Variants in ZER1 observed in about 807,000 individuals in gnomAD.
The protein encoded by ZER1 is zyg-11 related cell cycle regulator.
In ZER1, 11 loss-of-function variants were observed where a neutral mutation model predicts 78.8. The ratio of observed to expected loss-of-function variants is 0.14; its 90% CI spans 0.09 to 0.23. ZER1 has a LOEUF of 0.23. Among genes scored for constraint, ZER1 ranks in the 10% least tolerant of loss-of-function variants. The probability of loss-of-function intolerance (pLI) is 1.00; values close to 1 mark genes in which losing one functional copy is unlikely to be tolerated. For missense variants in ZER1, 588 were observed against 996.9 expected, an observed-to-expected ratio of 0.59 and a Z score of 5.52; for synonymous variants, 400 against 407.0, an observed-to-expected ratio of 0.98 and a Z score of 0.21.
Position 128,753,184 on chromosome 9 carries a change from G to T in ZER1, c.726C>A (p.Ile242=), listed in dbSNP as rs1243715371. 3 of 1,553,010 alleles carry T rather than the reference G, an allele frequency of 1.9e-6. No homozygotes were observed. Among genetic ancestry groups the T allele is most frequent in the Admixed American group, 1.9e-5 (1 of 51,876 alleles). ...MDLSDDHIRV[I]VQLHKLRHLD... ...CTCACCGCAGCTTGTGCAGCTGCACGATGACCCGGATGTGGTCGTCGGACA... is the reference window on the plus strand; with the variant it reads ...CTCACCGCAGCTTGTGCAGCTGCACTATGACCCGGATGTGGTCGTCGGACA... The change falls in exon 4 of 16, where the codon ATC becomes ATA. Residue 242 remains isoleucine (I), a synonymous_variant. Coordinates refer to ENST00000291900, the MANE Select transcript of ZER1 (RefSeq NM_006336.4). This position sits in a 1 kb window ranked among gnomAD's most constrained non-coding sequence, Gnocchi z 7.5.
rs1863735778 is a variant in ZER1, at chr9:128,753,121, C to T, written c.746+43G>A. ...ACCCACCTCTACTCCTCCCCACCTG[C>T]CCCCCAAACCCCACCCTGGTGAGCT... On this transcript the variant is annotated intron_variant, in intron 4 of 15. Coordinates refer to ENST00000291900, the MANE Select transcript of ZER1 (RefSeq NM_006336.4). The surrounding 1 kb of genome is among the most constrained non-coding windows in gnomAD (Gnocchi z 7.5). 9 of 1,481,938 alleles carry T rather than the reference C, an allele frequency of 6.1e-6. No individual in the cohort carries two copies. The highest frequency in any genetic ancestry group is 1.4e-5 in the African/African-American group (1 of 71,592). 91.8% of individuals were successfully genotyped at this position (1,481,938 alleles called of 1,614,324 possible).
In ZER1 at chr9:128,752,682, C is replaced by T. The variant is rs1440434438; in HGVS notation, c.914G>A (p.Gly305Glu). 7 of 1,612,354 alleles carry T rather than the reference C, an allele frequency of 4.3e-6. No homozygotes were observed. In the East Asian group the frequency reaches 8.9e-5, roughly 21 times the overall value. The change falls in exon 5 of 16, where the codon GGG becomes GAG. Residue 305 changes from glycine to glutamate, a missense_variant. Gly to Glu is a moderately conservative substitution (Grantham distance 98, BLOSUM62 -2). Transcript: ENST00000291900. ...CSISKMEEEA[G>E]QTSIEPSKSS... Reference sequence around the variant, plus strand: ...GAGGCTGGGGCCCCACCTGGTCTGCCCCGCTTCCTCTTCCATCTTGGAGAT... The same window carrying T: ...GAGGCTGGGGCCCCACCTGGTCTGCTCCGCTTCCTCTTCCATCTTGGAGAT...
Position 128,755,720 on chromosome 9 carries a change from C to CA in ZER1, c.-94-62dup. On this transcript the variant is annotated intron_variant, in intron 1 of 15. Transcript: ENST00000291900. The surrounding 1 kb of genome is among the most constrained non-coding windows in gnomAD (Gnocchi z 5.6). ...CAAGGGCTAGAACTATCAGTGGTCC[C>CA]ATGTCCACGCTCTGAGTAGGGAAAC... The CA allele has an allele frequency of 1.0e-6, 1 of 953,192 alleles. No individual in the cohort carries two copies. The highest frequency in any genetic ancestry group is 1.5e-6 in the Non-Finnish European group (1 of 655,540). 59.0% of individuals were successfully genotyped at this position (953,192 alleles called of 1,614,324 possible).
At position 128,731,414 on chromosome 9, in the gene ZER1, C is replaced by T. The variant is rs1171938671; in HGVS notation, c.2244-20G>A. On this transcript the variant is annotated intron_variant, in intron 15 of 15. Coordinates refer to ENST00000291900, the MANE Select transcript of ZER1 (RefSeq NM_006336.4). ...ACCTTGCTGGAGACAATGGGGGAGA[C>T]AGGATTGGAGGGTGGGCTTGGGTGG... is the stretch of plus-strand genomic sequence containing the variant. The T allele has an allele frequency of 7.1e-6, 8 of 1,121,218 alleles. No homozygotes were observed. Among genetic ancestry groups the T allele is most frequent in the South Asian group, 2.5e-5 (2 of 81,086 alleles). The allele number at this position is 1,121,218 out of a possible 1,614,324, so 69.5% of individuals were successfully genotyped here.
chr9:128,750,794 A>G lies in ZER1; in HGVS notation c.1186-5T>C. On this transcript the variant is annotated splice_region_variant and splice_polypyrimidine_tract_variant and intron_variant, in intron 7 of 15. Coordinates refer to ENST00000291900, the MANE Select transcript of ZER1 (RefSeq NM_006336.4). Reference sequence around the variant, plus strand: ...CTTGAGGGCCGTGATGACCAGCTGTATGAAGACAAGGGGGACCTGGGCTGG... The same window carrying G: ...CTTGAGGGCCGTGATGACCAGCTGTGTGAAGACAAGGGGGACCTGGGCTGG... 2 of 1,614,170 alleles carry G rather than the reference A, an allele frequency of 1.2e-6. No individual in the cohort carries two copies. Among genetic ancestry groups the G allele is most frequent in the South Asian group, 1.1e-5 (1 of 91,068 alleles).
chr9:128,756,857 A>G (rs1265048253), intron 1 of ZER1, among the ~76,000 whole-genome samples: 3 of 152,210 alleles, frequency 2.0e-5, no homozygotes, highest in South Asian at 4.1e-4. Flanking sequence ...TATACTTTAT[A>G]TGGATGAATT....
At position 128,741,500 on chromosome 9, in the gene ZER1, C is replaced by T. The variant is rs377651803; in HGVS notation, c.1737+35G>A. The T allele has an allele frequency of 5.6e-6, 9 of 1,613,710 alleles. No homozygotes were observed. In the African/African-American group the frequency reaches 1.1e-4, roughly 19 times the overall value. ...GACAGAAGAGGGGCCATGTGGGCAG[C>T]TGAGGCAGCTGCTGCTGCAGGAGGT... On this transcript the variant is annotated intron_variant, in intron 11 of 15. Coordinates refer to ENST00000291900, the MANE Select transcript of ZER1 (RefSeq NM_006336.4).
Position 128,755,480 on chromosome 9 carries a change from A to T in ZER1, c.86T>A (p.Leu29Gln). The T allele has an allele frequency of 6.2e-7, 1 of 1,614,022 alleles. No homozygotes were observed. The highest frequency in any genetic ancestry group is 1.1e-5 in the South Asian group (1 of 91,076). The change falls in exon 2 of 16, where the codon CTG becomes CAG. Residue 29 changes from leucine (L) to glutamine (Q), a missense_variant. Leu to Gln is a moderately radical substitution (Grantham distance 113). Around this residue, in one of 3 missense-constraint regions of ZER1, gnomAD observed 406 missense variants for 660.1 expected, o/e 0.62. Coordinates refer to ENST00000291900, the MANE Select transcript of ZER1 (RefSeq NM_006336.4). The surrounding 1 kb of genome is among the most constrained non-coding windows in gnomAD (Gnocchi z 5.6). ...ATGTAGCCGCAGGGTCTCCTTGTCC[A>T]GCAGGTAGCCCAGGGTGCCATCCAG... is the stretch of plus-strand genomic sequence containing the variant. ...RNLDGTLGYL[L>Q]DKETLRLHPD...
chr9:128,741,436 G>C, intron 11 of ZER1, 99 bp downstream of exon 11: 1 of 1,554,090 alleles, frequency 6.4e-7, no homozygotes, highest in Non-Finnish European at 8.8e-7. Flanking sequence ...GGAAGCATGG[G>C]TGAGGGGTGC....
intron 15 of ZER1, chr9:128,733,031 A>G (rs1862890900): frequency 5.9e-6 from 1 of 169,260 alleles, no homozygotes; most frequent in Non-Finnish European, 1.3e-5. Context: ...ACTCACTCGC[A>G]CTCTGCCTCA....
intron 13 of ZER1, among the ~76,000 whole-genome samples, chr9:128,737,306 G>A (rs1863119501): frequency 6.6e-6 from 1 of 151,968 alleles, no homozygotes. Context: ...TTCTGACGAG[G>A]GCCTTCTGTG....
chr9:128,755,380 G>A lies in ZER1; in HGVS notation c.158+28C>T, dbSNP rs780083712. ...TATACACATTCATGGTAAGACCCCT[G>A]CCCCTCCTCAGCCCTGGGTCTGCTC... On this transcript the variant is annotated intron_variant, in intron 2 of 15. Coordinates refer to ENST00000291900, the MANE Select transcript of ZER1 (RefSeq NM_006336.4). The surrounding 1 kb of genome is among the most constrained non-coding windows in gnomAD (Gnocchi z 5.6). The A allele has an allele frequency of 6.2e-7, 1 of 1,612,458 alleles. No homozygotes were observed. Among genetic ancestry groups the A allele is most frequent in the African/African-American group, 1.3e-5 (1 of 74,832 alleles).
chr9:128,763,006 TCCAG>T (rs1212007435), intron 1 of ZER1, among the ~76,000 whole-genome samples: 1 of 152,096 alleles, frequency 6.6e-6, no homozygotes, highest in Non-Finnish European at 1.5e-5. Flanking sequence ...GCCCCCCTAC[TCCAG>T]CCAGCCTGGC....
chr9:128,753,273 C>T lies in ZER1; in HGVS notation c.637G>A (p.Asp213Asn), dbSNP rs762438653. The T allele has an allele frequency of 1.1e-5, 17 of 1,605,562 alleles. No individual in the cohort carries two copies. The African/African-American group carries it at 1.7e-4, about 16-fold the overall frequency. Residue 213 changes from aspartate to asparagine, a missense_variant, in exon 4 of 16, where the codon GAC becomes AAC. Physicochemically the swap from Asp to Asn is conservative, Grantham distance 23 (BLOSUM62 1). Around this residue, in one of 3 missense-constraint regions of ZER1, gnomAD observed 406 missense variants for 660.1 expected, o/e 0.62. Transcript: ENST00000291900. The surrounding 1 kb of genome is among the most constrained non-coding windows in gnomAD (Gnocchi z 7.5). ...TTCCACTGGGTGAGGAAGGCGGCGT[C>T]GCTCGTCTGAATGCCTGAGAGGTCC... is the stretch of plus-strand genomic sequence containing the variant. ...ALDLSGIQTS[D>N]AAFLTQWKDS...
chr9:128,735,152 A>G lies in ZER1; in HGVS notation c.2140+182T>C, dbSNP rs551724960. 5.9e-5 allele frequency among the ~76,000 whole-genome samples: 9 copies of G among 152,326 alleles called. No individual in the cohort carries two copies. In the East Asian group the frequency reaches 1.7e-3, roughly 29 times the overall value. The stretch of plus-strand genomic sequence containing the variant: ...TCGCCTGCCAGGCCTGCTTCTGGTG[A>G]TGAGGCAGGAGTGAGCCCTTAAGCT... On this transcript the variant is annotated intron_variant, in intron 14 of 15. Coordinates refer to ENST00000291900, the MANE Select transcript of ZER1 (RefSeq NM_006336.4).
At chr9:128,741,284 C>T (rs1308369517) in intron 11 of ZER1, among the ~76,000 whole-genome samples, 1 of 152,206 alleles carries the variant, frequency 6.6e-6, no homozygotes, top group Non-Finnish European at 1.5e-5. Context: ...AGCCTGAGAA[C>T]AACGGCCGAG....
chr9:128,759,440 G>T (rs1047905998), intron 1 of ZER1, among the ~76,000 whole-genome samples: 1 of 150,788 alleles, frequency 6.6e-6, no homozygotes, highest in Non-Finnish European at 1.5e-5. Flanking sequence ...GCCTCCCAAA[G>T]TGCTGGGATT....
chr9:128,763,383 G>C (rs749699397), intron 1 of ZER1, among the ~76,000 whole-genome samples: 15 of 152,190 alleles, frequency 9.9e-5, no homozygotes, highest in Non-Finnish European at 2.1e-4. Flanking sequence ...ATGTGGCTTT[G>C]ATGATTCAGC....
intron 1 of ZER1, among the ~76,000 whole-genome samples, chr9:128,761,831 C>T (rs1369764969): frequency 2.0e-5 from 3 of 151,904 alleles, no homozygotes; most frequent in African/African-American, 4.8e-5. Context: ...GTCTCGAACT[C>T]CTGACCTTGT....
Sources: gnomAD v4.1 joint callset for allele counts (sites outside exome capture counted in the v4.1 genomes callset) on GRCh38, gnomAD v4.1.1 for gene constraint, gnomAD v4.1.1 regional missense constraint, Gnocchi (gnomAD v3.1) non-coding constraint, MANE v1.5 for transcripts, NCBI Gene and HGNC (gene_info 2026-07-23, HGNC 2026-07-21) for gene names.